RBMS3: variants seen among roughly 807,000 people sequenced by gnomAD.
The protein encoded by RBMS3 is RNA binding motif single stranded interacting protein 3, also known as RNA-binding motif, single-stranded-interacting protein 3.
In RBMS3, 27 loss-of-function variants were observed where a neutral mutation model predicts 66.8. That is an observed-to-expected ratio of 0.40 (90% CI 0.30 to 0.56). The LOEUF (loss-of-function observed/expected upper bound fraction) is 0.56. Among genes scored for constraint, RBMS3 ranks in the 20% least tolerant of loss-of-function variants. The pLI is 0.40. For missense variants in RBMS3, 513 were observed against 549.5 expected (o/e 0.93, Z 0.66); for synonymous variants, 188 against 183.0 (o/e 1.03, Z -0.22).
intron 1 of RBMS3, among the ~76,000 whole-genome samples, chr3:29,367,934 A>C (rs1204885149): frequency 2.0e-5 from 3 of 152,170 alleles, no homozygotes; most frequent in Non-Finnish European, 2.9e-5. Context: ...GGATATGTTC[A>C]AACATCCCTA....
At chr3:29,480,763 G>C (rs979772054) in intron 2 of RBMS3, among the ~76,000 whole-genome samples, 3 of 152,184 alleles carry the variant, frequency 2.0e-5, no homozygotes, top group Non-Finnish European at 4.4e-5. Flanking sequence ...CCAGTGTATG[G>C]ATGGAAAGGA....
At chr3:29,799,781 T>C (rs1173467980) in intron 6 of RBMS3, among the ~76,000 whole-genome samples, 1 of 152,208 alleles carries the variant, frequency 6.6e-6, no homozygotes, top group African/African-American at 2.4e-5. Flanking sequence ...GATCCTAAAA[T>C]TTTGTTACTC....
chr3:29,859,621 A>G (rs983893350), intron 6 of RBMS3, among the ~76,000 whole-genome samples: 1 of 152,262 alleles, frequency 6.6e-6, no homozygotes, highest in South Asian at 2.1e-4. Context: ...GGATTTTATT[A>G]CAACTAAGAA....
intron 4 of RBMS3, among the ~76,000 whole-genome samples, chr3:29,635,503 ACT>A (rs967166598): frequency 1.3e-5 from 2 of 151,778 alleles, no homozygotes; most frequent in African/African-American, 4.8e-5. Flanking sequence ...CACCAGTGAA[ACT>A]CTGGCACAAG....
chr3:29,916,697 A>G (rs1340049647), intron 10 of RBMS3, among the ~76,000 whole-genome samples: 3 of 152,020 alleles, frequency 2.0e-5, no homozygotes, highest in African/African-American at 4.8e-5. Context: ...CCAGAAAAAT[A>G]TATGTTATAA....
chr3:29,812,420 T>A (rs1461682640), intron 6 of RBMS3, among the ~76,000 whole-genome samples: 1 of 152,172 alleles, frequency 6.6e-6, no homozygotes, highest in Non-Finnish European at 1.5e-5. Context: ...TTTGTTCTCC[T>A]GTTGGAAGAT....
intron 3 of RBMS3, among the ~76,000 whole-genome samples, chr3:29,524,887 TA>T (rs796653603): frequency 3.3e-5 from 5 of 151,986 alleles, no homozygotes; most frequent in Non-Finnish European, 7.4e-5. Flanking sequence ...ACATTGTCTC[TA>T]AAAAAAATTT....
chr3:29,618,403 G>A (rs932249235), intron 4 of RBMS3, among the ~76,000 whole-genome samples: 2 of 152,054 alleles, frequency 1.3e-5, no homozygotes, highest in Non-Finnish European at 2.9e-5. Context: ...CTACCCAGGA[G>A]GCTGAGGCAG....
chr3:29,496,376 G>A (rs185439919), intron 3 of RBMS3, among the ~76,000 whole-genome samples: 1 of 152,120 alleles, frequency 6.6e-6, no homozygotes, highest in Admixed American at 6.5e-5. Context: ...AAACTTGAAG[G>A]TTTGCTTTAT....
At chr3:29,618,493 A>C (rs1261354900) in intron 4 of RBMS3, among the ~76,000 whole-genome samples, 1 of 151,974 alleles carries the variant, frequency 6.6e-6, no homozygotes, top group Non-Finnish European at 1.5e-5. Context: ...GCAACAGAGC[A>C]AAAACTCTAT....
intron 5 of RBMS3, among the ~76,000 whole-genome samples, chr3:29,751,374 A>G (rs1383791836): frequency 1.3e-5 from 2 of 152,204 alleles, no homozygotes; most frequent in African/African-American, 2.4e-5. Context: ...GTAATTTTCT[A>G]TTAAAAATGA....
At chr3:29,304,631 C>T (rs546547164) in intron 1 of RBMS3, among the ~76,000 whole-genome samples, 12 of 151,906 alleles carry the variant, frequency 7.9e-5, no homozygotes, top group Non-Finnish European at 1.2e-4. Context: ...CCAGCAATAC[C>T]GCAGCACTCT....
At chr3:29,884,124 T>A (rs1232459384) in intron 7 of RBMS3, 38 bp from the exon 8 acceptor site, 1 of 1,576,998 alleles carries the variant, frequency 6.3e-7, no homozygotes, top group East Asian at 2.2e-5. Flanking sequence ...AATAAAAACG[T>A]TAAGATTTGT....
At chr3:29,737,028 G>T (rs945309063) in intron 4 of RBMS3, among the ~76,000 whole-genome samples, 2 of 151,920 alleles carry the variant, frequency 1.3e-5, no homozygotes, top group Admixed American at 1.3e-4. Context: ...CCAGGCTGGA[G>T]TGCAGTGGCA....
At chr3:29,588,350 T>C (rs1235478776) in intron 4 of RBMS3, among the ~76,000 whole-genome samples, 3 of 152,118 alleles carry the variant, frequency 2.0e-5, no homozygotes, top group African/African-American at 7.2e-5. Flanking sequence ...TGCTCGTGTA[T>C]ACATTTAAGT....
intron 4 of RBMS3, among the ~76,000 whole-genome samples, chr3:29,712,163 C>T (rs908173725): frequency 1.3e-5 from 2 of 152,150 alleles, no homozygotes; most frequent in African/African-American, 2.4e-5. Context: ...GATTTATAAT[C>T]ATCCCTAGCT....
intron 3 of RBMS3, among the ~76,000 whole-genome samples, chr3:29,549,877 G>A (rs890191347): frequency 1.3e-5 from 2 of 151,818 alleles, no homozygotes; most frequent in African/African-American, 4.8e-5. Flanking sequence ...AAAGTTCCCT[G>A]GCAGATGGTC....
chr3:29,557,120 T>C (rs1012514126), intron 3 of RBMS3, among the ~76,000 whole-genome samples: 1 of 152,216 alleles, frequency 6.6e-6, no homozygotes, highest in African/African-American at 2.4e-5. Context: ...TGTTCCAGGG[T>C]ATGCTTACAG....
At chr3:29,650,578 G>A (rs1576440024) in intron 4 of RBMS3, among the ~76,000 whole-genome samples, 1 of 152,078 alleles carries the variant, frequency 6.6e-6, no homozygotes, top group African/African-American at 2.4e-5. Flanking sequence ...TAGGCATGAG[G>A]CACCACGCCT....
Sources: gnomAD v4.1 joint callset for allele counts (sites outside exome capture counted in the v4.1 genomes callset) on GRCh38, gnomAD v4.1.1 for gene constraint, MANE v1.5 for transcripts, NCBI Gene and HGNC (gene_info 2026-07-23, HGNC 2026-07-21) for gene names.